The following DCP1B variants were observed in gnomAD, a reference collection of about 807,000 sequenced individuals.
DCP1B encodes the protein mRNA-decapping enzyme 1B.
Under a neutral mutation model 60.5 loss-of-function variants are expected in DCP1B, and 47 were observed. That is an observed-to-expected ratio of 0.78 (90% CI 0.61 to 0.99). The LOEUF (loss-of-function observed/expected upper bound fraction) is 0.99, where lower values mean the gene tolerates loss of function less well. Among genes scored for constraint, DCP1B ranks in the 50% least tolerant of loss-of-function variants. The pLI is 0.00. For synonymous variants in DCP1B, 267 were observed against 280.3 expected (o/e 0.95, Z 0.47); for missense variants, 725 against 756.8 (o/e 0.96, Z 0.49).
At position 1,993,915 on chromosome 12, in the gene DCP1B, T is replaced by C. The variant is rs530868703; in HGVS notation, c.192-524A>G. Reference sequence around the variant, plus strand: ...AGTGATATGAAGCAACTCTGAACAATGAACTTGTGAGGACACAGCCTGAAC... The same window carrying C: ...AGTGATATGAAGCAACTCTGAACAACGAACTTGTGAGGACACAGCCTGAAC... On this transcript the variant is annotated intron_variant, in intron 2 of 8. Transcript: ENST00000280665. 2.0e-5 allele frequency among the ~76,000 whole-genome samples: 3 copies of C among 152,296 alleles called. No homozygotes were observed. The East Asian group carries it at 5.8e-4, about 29-fold the overall frequency.
downstream of DCP1B, among the ~76,000 whole-genome samples, chr12:1,941,628 T>C (rs185975163): frequency 1.1e-3 from 162 of 152,252 alleles, no homozygotes; most frequent in Non-Finnish European, 2.0e-3. Flanking sequence ...TTTCCCCATC[T>C]TCGTGGATTT....
chr12:1,947,294 TC>T (rs1050073686), intron 8 of DCP1B, among the ~76,000 whole-genome samples: 2 of 152,070 alleles, frequency 1.3e-5, no homozygotes, highest in African/African-American at 4.8e-5. Context: ...CACTTCACAT[TC>T]CCCCTTCATT....
chr12:1,952,568 T>A lies in DCP1B; in HGVS notation c.1372A>T (p.Ile458Phe). ...TGCAGCTGCTGCTCCTGCTGTACAA[T>A]CTGAAGCTTCTTCAGTAACTCTTGA... ...SPQELLKKLQ[I>F]VQQEQQLHAS... is the part of the protein sequence containing the mutation. Residue 458 changes from isoleucine to phenylalanine, a missense_variant, in exon 7 of 9, where the codon ATT (isoleucine) becomes TTT (phenylalanine). By Grantham distance (21) the Ile-to-Phe change is conservative (BLOSUM62 0). Coordinates refer to ENST00000280665, the MANE Select transcript of DCP1B (RefSeq NM_152640.5). The A allele has an allele frequency of 6.2e-7, 1 of 1,614,138 alleles. No homozygotes were observed. Among genetic ancestry groups the A allele is most frequent in the Non-Finnish European group, 8.5e-7 (1 of 1,180,022 alleles).
chr12:1,946,679 C>G (rs1445578996), intron 8 of DCP1B, among the ~76,000 whole-genome samples: 2 of 152,108 alleles, frequency 1.3e-5, no homozygotes, highest in Non-Finnish European at 2.9e-5. Flanking sequence ...TAAGAGATTG[C>G]TGTGGTGTGT....
chr12:1,950,068 C>T, intron 7 of DCP1B: 2 of 484,476 alleles, frequency 4.1e-6, no homozygotes, highest in East Asian at 6.3e-5. Flanking sequence ...CTATCATTTG[C>T]TTCTAACTCA....
chr12:1,949,690 G>A (rs767319696), intron 7 of DCP1B, among the ~76,000 whole-genome samples: 38 of 152,212 alleles, frequency 2.5e-4, no homozygotes, highest in Admixed American at 5.2e-4. Context: ...CACAACCTAT[G>A]TGAGCTGCCA....
Position 1,953,153 on chromosome 12 carries a change from T to C in DCP1B, c.787A>G (p.Lys263Glu). Residue 263 changes from lysine (K) to glutamate (E), a missense_variant, in exon 7 of 9, where the codon AAG (lysine) becomes GAG (glutamate). By Grantham distance (56) the Lys-to-Glu change is moderately conservative (BLOSUM62 1). Transcript: ENST00000280665. Reference sequence around the variant, plus strand: ...ACAACCCCCTGCCTAATTGGAAGCTTCTCTTGCTGCTGCTGCTGCTGCTGC... The same window carrying C: ...ACAACCCCCTGCCTAATTGGAAGCTCCTCTTGCTGCTGCTGCTGCTGCTGC... ...QQQQQQQQQEKLPIRQGVVRS... is the reference protein window; with the variant it reads ...QQQQQQQQQEELPIRQGVVRS... 6.3e-7 allele frequency: 1 copy of C among 1,588,086 alleles called. No homozygotes were observed. The highest frequency in any genetic ancestry group is 8.5e-7 in the Non-Finnish European group (1 of 1,171,874).
At chr12:2,004,233 G>A (rs140484769) in intron 1 of DCP1B, 49 bp downstream of exon 1, 2 of 1,604,720 alleles carry the variant, frequency 1.2e-6, no homozygotes, top group South Asian at 2.2e-5. Context: ...GACGCCCCCC[G>A]CCTCCACCCC....
At chr12:1,997,483 T>A (rs11062054) in intron 2 of DCP1B, among the ~76,000 whole-genome samples, 49,907 of 152,100 alleles carry the variant, frequency 0.33, 8,446 homozygotes, top group East Asian at 0.54. Flanking sequence ...GCTGTGATCG[T>A]GCCACTGCAC....
At chr12:1,950,570 AAAT>A (rs1382008314) in intron 7 of DCP1B, among the ~76,000 whole-genome samples, 1 of 152,210 alleles carries the variant, frequency 6.6e-6, no homozygotes, top group Non-Finnish European at 1.5e-5. Flanking sequence ...GGATGTTAAT[AAAT>A]AATAAATGAG....
At chr12:1,985,142 G>T (rs1392334967) in intron 3 of DCP1B, among the ~76,000 whole-genome samples, 1 of 151,928 alleles carries the variant, frequency 6.6e-6, no homozygotes, top group Non-Finnish European at 1.5e-5. Flanking sequence ...TGAGTTCCTT[G>T]AATCTATACA....
intron 3 of DCP1B, among the ~76,000 whole-genome samples, chr12:1,987,969 T>C (rs1040023142): frequency 3.3e-5 from 5 of 152,170 alleles, no homozygotes; most frequent in African/African-American, 1.2e-4. Context: ...AAACTATCAG[T>C]TGTAAATTTT....
chr12:1,992,833 C>A lies in DCP1B; in HGVS notation c.319+431G>T, dbSNP rs2039776601. On this transcript the variant is annotated intron_variant, in intron 3 of 8. Coordinates refer to ENST00000280665, the MANE Select transcript of DCP1B (RefSeq NM_152640.5). Reference sequence around the variant, plus strand: ...GAAGATGGCACTCCTACAATACAGGCCCTCAAACACTTTGTCAGCTCACTC... The same window carrying A: ...GAAGATGGCACTCCTACAATACAGGACCTCAAACACTTTGTCAGCTCACTC... The A allele has an allele frequency of 1.1e-5, 4 of 359,662 alleles. No homozygotes were observed. In the East Asian group the frequency reaches 1.9e-4, roughly 17 times the overall value. The allele number at this position is 359,662 out of a possible 1,614,324, so 22.3% of individuals were successfully genotyped here. A position where few individuals can be genotyped will look rare whatever the true frequency, so the allele number is the denominator to read the frequency against.
At chr12:1,975,842 T>A (rs574116191) in intron 3 of DCP1B, among the ~76,000 whole-genome samples, 12 of 152,292 alleles carry the variant, frequency 7.9e-5, no homozygotes, top group African/African-American at 2.6e-4. Flanking sequence ...AATGTATATA[T>A]TCACATGAAG....
intron 3 of DCP1B, among the ~76,000 whole-genome samples, chr12:1,974,444 C>T (rs1026511501): frequency 1.3e-5 from 2 of 152,092 alleles, no homozygotes; most frequent in Non-Finnish European, 2.9e-5. Flanking sequence ...CTGTATATTT[C>T]GATTGATCCA....
chr12:1,985,033 AT>A, intron 3 of DCP1B, among the ~76,000 whole-genome samples: 3 of 151,470 alleles, frequency 2.0e-5, no homozygotes, highest in Admixed American at 2.0e-4. Context: ...TGCTTTCAAG[AT>A]TAAAAAAAAA....
At chr12:1,945,818 G>C (rs1364348502), downstream of DCP1B, among the ~76,000 whole-genome samples, 2 of 152,156 alleles carry the variant, frequency 1.3e-5, no homozygotes, top group African/African-American at 4.8e-5. Flanking sequence ...TCACTCACAG[G>C]TGGGAATTGA....
Position 1,982,232 on chromosome 12 carries a change from A to G in DCP1B, c.319+11032T>C, listed in dbSNP as rs182761466. The stretch of plus-strand genomic sequence containing the variant: ...CTTTTTTATTGTGTTAAAATATTAA[A>G]AACATTAAATTTACAGTTTAAAATA... On this transcript the variant is annotated intron_variant, in intron 3 of 8. Coordinates refer to ENST00000280665, the MANE Select transcript of DCP1B (RefSeq NM_152640.5). Among the ~76,000 whole-genome samples, 99 of 152,302 alleles carry G rather than the reference A, an allele frequency of 6.5e-4. No homozygotes were observed. In the East Asian group the frequency reaches 0.013, roughly 20 times the overall value.
intron 8 of DCP1B, among the ~76,000 whole-genome samples, chr12:1,947,252 C>G (rs945794517): frequency 1.3e-5 from 2 of 152,180 alleles, no homozygotes; most frequent in Non-Finnish European, 2.9e-5. Flanking sequence ...TCCCTCCCAC[C>G]CAAATTCTTT....
Sources: gnomAD v4.1 joint callset for allele counts (sites outside exome capture counted in the v4.1 genomes callset) on GRCh38, gnomAD v4.1.1 for gene constraint, MANE v1.5 for transcripts, NCBI Gene and HGNC (gene_info 2026-07-23, HGNC 2026-07-21) for gene names.